The following MCMBP variants were observed in gnomAD, a reference collection of about 807,000 sequenced individuals.
MCMBP encodes the protein minichromosome maintenance complex binding protein, also known as mini-chromosome maintenance complex-binding protein.
In MCMBP, 31 loss-of-function variants were observed where a neutral mutation model predicts 81.3. That is an observed-to-expected ratio of 0.38 (90% CI 0.29 to 0.51). The LOEUF (loss-of-function observed/expected upper bound fraction) is 0.51, where lower values mean the gene tolerates loss of function less well. Ranked by LOEUF, MCMBP falls within the 20% of genes least tolerant of loss-of-function variation. MCMBP has a pLI of 0.87. For missense variants in MCMBP, 645 were observed against 772.1 expected, an observed-to-expected ratio of 0.84 and a Z score of 1.95; for synonymous variants, 267 against 275.9, an observed-to-expected ratio of 0.97 and a Z score of 0.32.
chr10:119,862,319 C>T (rs1310113765), intron 1 of MCMBP, among the ~76,000 whole-genome samples: 1 of 152,012 alleles, frequency 6.6e-6, no homozygotes, highest in South Asian at 2.1e-4. Flanking sequence ...CCCCACACCA[C>T]CTCCTCCACC....
At chr10:119,835,467 A>C (rs1232926657) in intron 14 of MCMBP, 73 bp downstream of exon 14, 1 of 1,293,188 alleles carries the variant, frequency 7.7e-7, no homozygotes, top group Non-Finnish European at 1.1e-6. Flanking sequence ...CTTATCAGTA[A>C]TTATGGTAAA....
chr10:119,837,100 G>T, intron 12 of MCMBP, 71 bp from the exon 13 acceptor site: 2 of 1,477,712 alleles, frequency 1.4e-6, no homozygotes, highest in South Asian at 1.3e-5. Context: ...TGCTGACACC[G>T]ATGATGAGCC....
intron 5 of MCMBP, among the ~76,000 whole-genome samples, chr10:119,856,954 G>A (rs765560960): frequency 4.0e-5 from 6 of 151,666 alleles, no homozygotes; most frequent in African/African-American, 7.3e-5. Context: ...CAAAAAATTC[G>A]CCAGGGATGG....
rs1187556699 is a variant in MCMBP, at chr10:119,872,636, G to C, written c.-52C>G. On this transcript the variant is annotated 5_prime_UTR_variant, in exon 1 of 16. Transcript: ENST00000369077. ...ACCGGGCGGAGGCGATCCGCGGGCC[G>C]AGCGCGGCCGGGCGGCCGGCGCCCA... The C allele has an allele frequency of 5.6e-6, 6 of 1,070,788 alleles. No homozygotes were observed. The highest frequency in any genetic ancestry group is 9.9e-5 in the Admixed American group (2 of 20,290). The allele number at this position is 1,070,788 out of a possible 1,614,324, so 66.3% of individuals were successfully genotyped here. A position where few individuals can be genotyped will look rare whatever the true frequency, so the allele number is the denominator to read the frequency against.
chr10:119,840,958 T>G lies in MCMBP; in HGVS notation c.1127A>C (p.Tyr376Ser). The change falls in exon 11 of 16, where the codon TAT (tyrosine) becomes TCT (serine). Residue 376 changes from tyrosine to serine, a missense_variant and splice_region_variant. By Grantham distance (144) the Tyr-to-Ser change is moderately radical. Transcript: ENST00000369077. Reference sequence around the variant, plus strand: ...TAGTGGAAGGACATCTCTTCTTGTATATCTAGAAAAGAAAGAAATCAATCA... The same window carrying G: ...TAGTGGAAGGACATCTCTTCTTGTAGATCTAGAAAAGAAAGAAATCAATCA... ...YLILHLISTV[Y>S]TRRDVLPLGK... is the part of the protein sequence containing the mutation. 6.4e-7 allele frequency: 1 copy of G among 1,561,078 alleles called. No homozygotes were observed. Among genetic ancestry groups the G allele is most frequent in the South Asian group, 1.1e-5 (1 of 87,042 alleles).
rs35123784 is a variant in MCMBP at position 119,835,252 on chromosome 10, TAAAC to T, written c.1707+284_1707+287del. 6.7e-3 allele frequency among the ~76,000 whole-genome samples: 1,021 copies of T among 152,308 alleles called. 10 individuals are homozygous for T. The highest frequency in any genetic ancestry group is 0.024 in the African/African-American group (997 of 41,576). ...AAATTTTTTTTAAATTAAAAATAACTAAACAAACTGGCATTAATCCCTAATAGAT... is the reference window on the plus strand; with the variant it reads ...AAATTTTTTTTAAATTAAAAATAACTAAACTGGCATTAATCCCTAATAGAT... On this transcript the variant is annotated intron_variant, in intron 14 of 15. Coordinates refer to ENST00000369077, the MANE Select transcript of MCMBP (RefSeq NM_001256378.2).
In MCMBP at chr10:119,866,415, C is replaced by A. The variant is rs368262194; in HGVS notation, c.58+6112G>T. Reference sequence around the variant, plus strand: ...CCGAGGCGTGTGGATCACCTGAGATCAGGAGTTCAAGAGCAGCCTGACCAA... The same window carrying A: ...CCGAGGCGTGTGGATCACCTGAGATAAGGAGTTCAAGAGCAGCCTGACCAA... On this transcript the variant is annotated intron_variant, in intron 1 of 15. Coordinates refer to ENST00000369077, the MANE Select transcript of MCMBP (RefSeq NM_001256378.2). 3.6e-3 allele frequency among the ~76,000 whole-genome samples: 545 copies of A among 152,244 alleles called. 1 individual carries two copies. The highest frequency in any genetic ancestry group is 0.013 in the African/African-American group (523 of 41,526).
At chr10:119,853,735 C>A (rs1852918560) in intron 5 of MCMBP, among the ~76,000 whole-genome samples, 1 of 152,202 alleles carries the variant, frequency 6.6e-6, no homozygotes, top group African/African-American at 2.4e-5. Context: ...TCCCTGAGGA[C>A]TAGCAGAGAA....
chr10:119,844,802 C>A (rs1395351811), intron 8 of MCMBP, among the ~76,000 whole-genome samples: 1 of 152,184 alleles, frequency 6.6e-6, no homozygotes, highest in Admixed American at 6.5e-5. Flanking sequence ...TTCTCTCATG[C>A]TGGATGCTTC....
chr10:119,864,646 T>C (rs1302182171), intron 1 of MCMBP, among the ~76,000 whole-genome samples: 2 of 152,158 alleles, frequency 1.3e-5, no homozygotes, highest in South Asian at 4.1e-4. Flanking sequence ...TTCTATTTCA[T>C]GGATTTTTGT....
chr10:119,863,091 G>A (rs1853318446), intron 1 of MCMBP, among the ~76,000 whole-genome samples: 1 of 152,116 alleles, frequency 6.6e-6, no homozygotes, highest in African/African-American at 2.4e-5. Flanking sequence ...TTCTCCCAGT[G>A]TATAGCTTGT....
At chr10:119,860,017 T>C in intron 1 of MCMBP, 133 bp from the exon 2 acceptor site, 1 of 621,550 alleles carries the variant, frequency 1.6e-6, no homozygotes, top group Non-Finnish European at 2.8e-6. Context: ...GAATGAATTT[T>C]TAGATAGGGT....
At chr10:119,861,704 C>G (rs1168592850) in intron 1 of MCMBP, among the ~76,000 whole-genome samples, 1 of 152,126 alleles carries the variant, frequency 6.6e-6, no homozygotes, top group African/African-American at 2.4e-5. Context: ...TGGGGAGCAG[C>G]AAGTTATTTC....
chr10:119,861,888 G>C (rs1238542809), intron 1 of MCMBP, among the ~76,000 whole-genome samples: 2 of 152,048 alleles, frequency 1.3e-5, no homozygotes, highest in Admixed American at 1.3e-4. Context: ...CCACAGGCAC[G>C]GGCCACCACG....
chr10:119,835,410 A>T (rs1404883191), intron 14 of MCMBP, 130 bp downstream of exon 14: 1 of 802,780 alleles, frequency 1.2e-6, no homozygotes, highest in Non-Finnish European at 2.0e-6. Flanking sequence ...TAATGGAGTA[A>T]CAGAGGAATA....
intron 1 of MCMBP, among the ~76,000 whole-genome samples, chr10:119,864,238 A>G (rs1279760512): frequency 6.6e-6 from 1 of 152,260 alleles, no homozygotes; most frequent in Non-Finnish European, 1.5e-5. Flanking sequence ...CCTGTCAACA[A>G]TTTGATTTTA....
intron 5 of MCMBP, among the ~76,000 whole-genome samples, chr10:119,856,473 T>C (rs1022061010): frequency 2.0e-5 from 3 of 152,176 alleles, no homozygotes; most frequent in African/African-American, 4.8e-5. Context: ...TATGAGTCCA[T>C]TTAGATGTCA....
chr10:119,836,486 C>T (rs1852245587), intron 13 of MCMBP, among the ~76,000 whole-genome samples: 1 of 152,158 alleles, frequency 6.6e-6, no homozygotes, highest in Non-Finnish European at 1.5e-5. Context: ...CACCACAAAG[C>T]ATGAAAATAA....
rs1322811927 is a variant in MCMBP, at chr10:119,832,009, T to C, written c.1796+3A>G. On this transcript the variant is annotated splice_donor_region_variant and intron_variant, in intron 15 of 15. Coordinates refer to ENST00000369077, the MANE Select transcript of MCMBP (RefSeq NM_001256378.2). ...ACAGCAATAATGGACGTGCGCCACT[T>C]ACCGAGCCACCACGAGCAGCTGGTG... The C allele has an allele frequency of 6.2e-7, 1 of 1,608,736 alleles. No individual in the cohort carries two copies. Among genetic ancestry groups the C allele is most frequent in the African/African-American group, 1.3e-5 (1 of 74,630 alleles).
Sources: gnomAD v4.1 joint callset for allele counts (sites outside exome capture counted in the v4.1 genomes callset) on GRCh38, gnomAD v4.1.1 for gene constraint, MANE v1.5 for transcripts, NCBI Gene and HGNC (gene_info 2026-07-23, HGNC 2026-07-21) for gene names.